ZNF546: variants seen among roughly 807,000 people sequenced by gnomAD.
The protein encoded by ZNF546 is zinc finger protein 546.
In ZNF546, 60 loss-of-function variants were observed where a neutral mutation model predicts 76.2. The observed-to-expected ratio is 0.79, with a 90% CI of 0.64 to 0.98. The LOEUF is 0.98. ZNF546 is among the 50% of genes least tolerant of loss of function. The pLI is 0.00. For missense variants in ZNF546, 936 were observed against 1,035.6 expected, an observed-to-expected ratio of 0.90 and a Z score of 1.32; for synonymous variants, 277 against 328.1, an observed-to-expected ratio of 0.84 and a Z score of 1.68.
In ZNF546 at chr19:40,008,534, A is replaced by C. The variant is rs141247816; in HGVS notation, c.363A>C (p.Val121=). 1.6e-3 allele frequency: 2,602 copies of C among 1,613,252 alleles called. 5 individuals are homozygous for C. The highest frequency in any genetic ancestry group is 2.1e-3 in the Non-Finnish European group (2,451 of 1,179,358). Residue 121 remains valine (V), a synonymous_variant, in exon 6 of 7, where the codon GTA becomes GTC. Transcript: ENST00000347077. ...AGCAAGAGAAAGAGCCCTGGATAGTAATGAGGGAAGGGACAAGGAATTGGT... is the reference window on the plus strand; with the variant it reads ...AGCAAGAGAAAGAGCCCTGGATAGTCATGAGGGAAGGGACAAGGAATTGGT... ...LLEQEKEPWI[V]MREGTRNWFT...
chr19:40,006,932 AAG>A (rs1182309960), intron 4 of ZNF546, among the ~76,000 whole-genome samples: 2 of 152,300 alleles, frequency 1.3e-5, no homozygotes, highest in African/African-American at 2.4e-5. Flanking sequence ...CCTGTTTTCT[AAG>A]AGAGATTTTA....
rs1971828421 is a variant in ZNF546, at chr19:40,019,627, CTACACTGATATT to C, written c.*3847_*3858del. The stretch of plus-strand genomic sequence containing the variant: ...AATATCAAAATTTCACTAGCTCTTT[CTACACTGATATT>C]ATAATCCTGATAATACAACAGATGA... On this transcript the variant is annotated 3_prime_UTR_variant, in exon 7 of 7. Transcript: ENST00000347077. 2 of 152,156 alleles carry C rather than the reference CTACACTGATATT, an allele frequency of 1.3e-5. No homozygotes were observed. The highest frequency in any genetic ancestry group is 4.8e-5 in the African/African-American group (2 of 41,442). The allele number at this position is 152,156 out of a possible 1,614,324, so 9.4% of individuals were successfully genotyped here.
Position 40,015,936 on chromosome 19 carries a change from G to T in ZNF546, c.*155G>T, listed in dbSNP as rs186244423. The T allele has an allele frequency of 4.0e-5, 28 of 699,424 alleles. No homozygotes were observed. The Admixed American group carries it at 4.8e-4, about 12-fold the overall frequency. 43.3% of individuals were successfully genotyped at this position (699,424 alleles called of 1,614,324 possible). A position where few individuals can be genotyped will look rare whatever the true frequency, so the allele number is the denominator to read the frequency against. ...TATGTTAAAGAGTCGAAAGACTATA[G>T]CATCACTCAGTCCCTGTTAGACTTT... On this transcript the variant is annotated 3_prime_UTR_variant, in exon 7 of 7. Transcript: ENST00000347077.
chr19:40,013,737 T>A lies in ZNF546; in HGVS notation c.467T>A (p.Leu156Ter), dbSNP rs755924443. Residue 156 changes from leucine (L) to a stop codon, truncating the protein, a stop_gained, in exon 7 of 7, where the codon TTG (leucine) becomes TAG (stop). Coordinates refer to ENST00000347077, the MANE Select transcript of ZNF546 (RefSeq NM_178544.5). LOFTEE classifies it high-confidence loss of function. ...KNVCKIYLSQLQTGEKSKNTI... is the reference protein window; with the variant it reads ...KNVCKIYLSQ Reference sequence around the variant, plus strand: ...GTTTGCAAAATCTATTTATCTCAATTGCAGACAGGGGAAAAAAGTAAAAAC... The same window carrying A: ...GTTTGCAAAATCTATTTATCTCAATAGCAGACAGGGGAAAAAAGTAAAAAC... The A allele has an allele frequency of 6.2e-7, 1 of 1,612,668 alleles. No individual in the cohort carries two copies.
chr19:40,001,788 A>C (rs1187514965), intron 3 of ZNF546, among the ~76,000 whole-genome samples: 1 of 152,204 alleles, frequency 6.6e-6, no homozygotes, highest in African/African-American at 2.4e-5. Context: ...TGGGCATGAG[A>C]CTCAAACTTT....
Position 40,014,602 on chromosome 19 carries a change from A to G in ZNF546, c.1332A>G (p.Arg444=). 6.2e-7 allele frequency: 1 copy of G among 1,612,974 alleles called. No homozygotes were observed. The highest frequency in any genetic ancestry group is 8.5e-7 in the Non-Finnish European group (1 of 1,179,550). ...CTGGTGAGAAACCCTATGAATGTAG[A>G]GAATGTGGAAAAGCCTTTCGTCTTC... ...IHTGEKPYEC[R]ECGKAFRLQT... The change falls in exon 7 of 7, where the codon AGA becomes AGG. Residue 444 remains arginine, a synonymous_variant. Transcript: ENST00000347077.
intron 5 of ZNF546, 49 bp downstream of exon 5, chr19:40,007,449 CTT>C: frequency 6.7e-7 from 1 of 1,482,878 alleles, no homozygotes; most frequent in Non-Finnish European, 9.0e-7. Context: ...GGAGTATCAG[CTT>C]TCTCCACTGT....
chr19:40,007,236 A>T, intron 4 of ZNF546, 38 bp from the exon 5 acceptor site: 2 of 1,455,418 alleles, frequency 1.4e-6, no homozygotes, highest in Non-Finnish European at 1.8e-6. Context: ...TTGAAAATAC[A>T]TTTAATTTTT....
At position 40,014,170 on chromosome 19, in the gene ZNF546, C is replaced by G; in HGVS notation, c.900C>G (p.Pro300=). 6.2e-7 allele frequency: 1 copy of G among 1,612,924 alleles called. No homozygotes were observed. Among genetic ancestry groups the G allele is most frequent in the Admixed American group, 1.7e-5 (1 of 59,952 alleles). ...AGAGAATACATTCTGGTGTGAAACC[C>G]TACGAGTGTAAGGAATGTGGGAAAG... ...EHQRIHSGVK[P]YECKECGKAF... is the part of the protein sequence containing the mutation. The change falls in exon 7 of 7, where the codon CCC becomes CCG. Residue 300 remains proline, a synonymous_variant. Transcript: ENST00000347077.
chr19:40,006,914 A>G (rs747344831), intron 4 of ZNF546, among the ~76,000 whole-genome samples: 53 of 152,238 alleles, frequency 3.5e-4, no homozygotes, highest in Non-Finnish European at 6.6e-4. Flanking sequence ...ACGTAATGTC[A>G]GTCAAATCCT....
chr19:40,014,646 A>G lies in ZNF546; in HGVS notation c.1376A>G (p.His459Arg), dbSNP rs746868181. 15 of 1,613,422 alleles carry G rather than the reference A, an allele frequency of 9.3e-6. No individual in the cohort carries two copies. The East Asian group carries it at 2.7e-4, about 29-fold the overall frequency. Residue 459 changes from histidine (H) to arginine (R), a missense_variant, in exon 7 of 7, where the codon CAT becomes CGT. His to Arg is a conservative substitution (Grantham distance 29). Transcript: ENST00000347077. ...CGTCTTCAAACGGAACTTACTCGGC[A>G]TCATAGAACTCATACTGGTGAGAAA... ...AFRLQTELTR[H>R]HRTHTGEKPY...
rs138941419 is a variant in ZNF546 at position 40,004,483 on chromosome 19, G to C, written c.85-1613G>C. The stretch of plus-strand genomic sequence containing the variant: ...GGGGTTTTGCCATGTTCGCCAGGCT[G>C]GTCTCGCACTCCTAACCTCAGGTGA... On this transcript the variant is annotated intron_variant, in intron 3 of 6. Transcript: ENST00000347077. Among the ~76,000 whole-genome samples the C allele has an allele frequency of 2.5e-3, 384 of 152,058 alleles. 1 individual carries two copies. The highest frequency in any genetic ancestry group is 6.8e-3 in the Middle Eastern group (2 of 294).
At chr19:40,002,253 A>G (rs925299694) in intron 3 of ZNF546, among the ~76,000 whole-genome samples, 2 of 152,210 alleles carry the variant, frequency 1.3e-5, no homozygotes, top group African/African-American at 4.8e-5. Flanking sequence ...TACTATAGCT[A>G]TTAGTATTTT....
intron 3 of ZNF546, among the ~76,000 whole-genome samples, chr19:39,998,803 C>T (rs73546002): frequency 0.062 from 9,413 of 152,024 alleles, 490 homozygotes; most frequent in East Asian, 0.18. Context: ...GAAGGAGTCT[C>T]GCTGTGTCAC....
At chr19:40,009,522 G>A (rs1330973486) in intron 6 of ZNF546, among the ~76,000 whole-genome samples, 3 of 152,088 alleles carry the variant, frequency 2.0e-5, no homozygotes, top group Non-Finnish European at 2.9e-5. Flanking sequence ...CATATAATTA[G>A]CATACAATAA....
At chr19:40,007,035 G>T (rs1461175271) in intron 4 of ZNF546, among the ~76,000 whole-genome samples, 1 of 152,154 alleles carries the variant, frequency 6.6e-6, no homozygotes, top group Non-Finnish European at 1.5e-5. Context: ...AACTTTAACT[G>T]CAGGCACATA....
Position 40,004,029 on chromosome 19 carries a change from T to A in ZNF546, c.85-2067T>A, listed in dbSNP as rs560642353. Among the ~76,000 whole-genome samples, 1,229 of 143,828 alleles carry A rather than the reference T, an allele frequency of 8.5e-3. 17 individuals are homozygous for A. The highest frequency in any genetic ancestry group is 0.03 in the African/African-American group (1,158 of 38,642). 94.4% of individuals were successfully genotyped at this position (143,828 alleles called of 152,430 possible). A position where few individuals can be genotyped will look rare whatever the true frequency, so the allele number is the denominator to read the frequency against. On this transcript the variant is annotated intron_variant, in intron 3 of 6. Coordinates refer to ENST00000347077, the MANE Select transcript of ZNF546 (RefSeq NM_178544.5). ...TCTATCTCAAAAAAATATATATATA[T>A]AAATATATAAATATATTTATATGTA...
chr19:40,015,422 G>A lies in ZNF546; in HGVS notation c.2152G>A (p.Glu718Lys). ...ATTACATCAAAGAATTCACACTGGT[G>A]AGCTTCCATATGAATGTAAGGAATG... The part of the protein sequence containing the change: ...LTLHQRIHTG[E>K]LPYECKECGK... Residue 718 changes from glutamate to lysine, a missense_variant, in exon 7 of 7, where the codon GAG becomes AAG. Physicochemically the swap from Glu to Lys is moderately conservative, Grantham distance 56. Transcript: ENST00000347077. The A allele has an allele frequency of 6.2e-7, 1 of 1,614,160 alleles. No homozygotes were observed. The highest frequency in any genetic ancestry group is 2.2e-5 in the East Asian group (1 of 44,890).
At chr19:40,013,137 A>G (rs1287390378) in intron 6 of ZNF546, among the ~76,000 whole-genome samples, 1 of 152,118 alleles carries the variant, frequency 6.6e-6, no homozygotes, top group Non-Finnish European at 1.5e-5. Context: ...TAAAAGTCAC[A>G]TCATTTTCTG....
Sources: allele counts gnomAD v4.1 joint callset (sites outside exome capture counted in the v4.1 genomes callset), GRCh38; gene constraint gnomAD v4.1.1; transcripts MANE v1.5; gene names NCBI Gene and HGNC (gene_info 2026-07-23, HGNC 2026-07-21).